VPS13D: variants seen among roughly 807,000 people sequenced by gnomAD.
VPS13D encodes intermembrane lipid transfer protein VPS13D.
A neutral mutation model predicts 461.9 loss-of-function variants in VPS13D; 187 were observed. The observed-to-expected ratio is 0.40, with a 90% CI of 0.36 to 0.46. The LOEUF is 0.46. Ranked by LOEUF, VPS13D falls within the 20% of genes least tolerant of loss-of-function variation. VPS13D has a pLI of 0.60. For synonymous variants in VPS13D, 1,951 were observed against 1,986.3 expected, an observed-to-expected ratio of 0.98 and a Z score of 0.47; for missense variants, 4,711 against 5,364.9, an observed-to-expected ratio of 0.88 and a Z score of 3.81.
rs529843538 is a variant in VPS13D at position 12,495,485 on chromosome 1, C to T, written c.12663-2015C>T. On this transcript the variant is annotated intron_variant, in intron 67 of 69. Coordinates refer to ENST00000620676, the MANE Select transcript of VPS13D (RefSeq NM_015378.4). The surrounding 1 kb of genome is among the most constrained non-coding windows in gnomAD (Gnocchi z 4.0). ...TGTAACATCTTTTGAAAGGGCCATT[C>T]TCATTGCCATGAGGAGAGTGGACAA... Among the ~76,000 whole-genome samples, 125 of 152,240 alleles carry T rather than the reference C, an allele frequency of 8.2e-4. No homozygotes were observed. Among genetic ancestry groups the T allele is most frequent in the African/African-American group, 2.9e-3 (120 of 41,554 alleles).
Position 12,260,762 on chromosome 1 carries a change from G to A in VPS13D, c.1180G>A (p.Asp394Asn), listed in dbSNP as rs1390418847. The part of the protein sequence containing the change: ...ELKILRELVH[D>N]RFHKQEELAE... ...GAAGATTTTGCGTGAACTGGTTCAT[G>A]ATCGATTTCACAAACAGGAAGAACT... Residue 394 changes from aspartate to asparagine, a missense_variant, in exon 11 of 70, where the codon GAT (aspartate) becomes AAT (asparagine). Physicochemically the swap from Asp to Asn is conservative, Grantham distance 23. Coordinates refer to ENST00000620676, the MANE Select transcript of VPS13D (RefSeq NM_015378.4). 8 of 1,614,066 alleles carry A rather than the reference G, an allele frequency of 5.0e-6. No individual in the cohort carries two copies. The highest frequency in any genetic ancestry group is 6.8e-6 in the Non-Finnish European group (8 of 1,180,052).
intron 40 of VPS13D, among the ~76,000 whole-genome samples, chr1:12,340,717 C>T (rs1643549603): frequency 6.6e-6 from 1 of 152,342 alleles, no homozygotes; most frequent in South Asian, 2.1e-4. Flanking sequence ...TGGTCTTTCT[C>T]ACGCTGTCTT....
intron 21 of VPS13D, 35 bp downstream of exon 21, chr1:12,283,771 A>G: frequency 6.4e-7 from 1 of 1,560,050 alleles, no homozygotes; most frequent in East Asian, 2.3e-5. Flanking sequence ...CTTAAGCTCT[A>G]AAAATGGATT....
At chr1:12,479,702 C>T (rs1645687869) in intron 67 of VPS13D, among the ~76,000 whole-genome samples, 1 of 152,136 alleles carries the variant, frequency 6.6e-6, no homozygotes, top group African/African-American at 2.4e-5. Flanking sequence ...CTCTCGGTCC[C>T]TCACATCGAA....
chr1:12,466,598 C>G (rs977274027), intron 67 of VPS13D, among the ~76,000 whole-genome samples: 1 of 152,194 alleles, frequency 6.6e-6, no homozygotes, highest in African/African-American at 2.4e-5. Flanking sequence ...CTGCCTCATA[C>G]TTATCTAGGA....
intron 67 of VPS13D, among the ~76,000 whole-genome samples, chr1:12,464,201 A>C (rs1317931623): frequency 1.3e-5 from 2 of 152,192 alleles, no homozygotes; most frequent in African/African-American, 2.4e-5. Flanking sequence ...GGTGTTACTC[A>C]GGGTTTTTCC....
intron 44 of VPS13D, 29 bp downstream of exon 44, chr1:12,346,681 G>A (rs760644444): frequency 3.1e-6 from 5 of 1,601,936 alleles, no homozygotes; most frequent in Admixed American, 1.7e-5. Flanking sequence ...TTGTCATTGT[G>A]TTTATTGCGT....
intron 13 of VPS13D, among the ~76,000 whole-genome samples, chr1:12,263,926 T>C (rs1277845287): frequency 1.3e-5 from 2 of 152,226 alleles, no homozygotes; most frequent in Non-Finnish European, 2.9e-5. Context: ...CACCACATTT[T>C]TTACAAATTG....
intron 64 of VPS13D, among the ~76,000 whole-genome samples, chr1:12,415,911 G>T (rs1023249868): frequency 3.3e-5 from 5 of 152,216 alleles, no homozygotes; most frequent in African/African-American, 1.2e-4. Flanking sequence ...AGTCATGGTG[G>T]CTCACACCTG....
intron 58 of VPS13D, among the ~76,000 whole-genome samples, chr1:12,384,404 G>A (rs1187096913): frequency 1.3e-5 from 2 of 152,182 alleles, no homozygotes; most frequent in African/African-American, 4.8e-5. Flanking sequence ...GAGGAGTTAG[G>A]TTTTGGACTT....
At chr1:12,414,919 A>G (rs1644775053) in intron 63 of VPS13D, among the ~76,000 whole-genome samples, 168 bp from the exon 64 acceptor site, 1 of 152,206 alleles carries the variant, frequency 6.6e-6, no homozygotes, top group Admixed American at 6.5e-5. Context: ...ATTTTTCCCT[A>G]GTATTTTACT....
intron 67 of VPS13D, among the ~76,000 whole-genome samples, chr1:12,486,569 G>A (rs942117638): frequency 8.5e-5 from 13 of 152,130 alleles, no homozygotes; most frequent in Admixed American, 1.3e-4. Flanking sequence ...CACGTTCCCC[G>A]GAGGCCACCA....
At chr1:12,431,554 T>C (rs1226817027) in intron 65 of VPS13D, among the ~76,000 whole-genome samples, 6 of 151,500 alleles carry the variant, frequency 4.0e-5, no homozygotes, top group African/African-American at 1.5e-4. Flanking sequence ...GCCTACTGTA[T>C]ATCTTCTCAG....
chr1:12,340,951 G>A (rs2101574594), intron 40 of VPS13D, among the ~76,000 whole-genome samples: 1 of 152,306 alleles, frequency 6.6e-6, no homozygotes, highest in East Asian at 1.9e-4. Context: ...ACATAGCATG[G>A]GCAGTGGTAC....
intron 65 of VPS13D, among the ~76,000 whole-genome samples, chr1:12,434,389 C>T (rs940448773): frequency 3.9e-5 from 6 of 152,030 alleles, no homozygotes; most frequent in South Asian, 2.1e-4. Context: ...CAGTGCACAG[C>T]GTGTGCTCTT....
intron 20 of VPS13D, among the ~76,000 whole-genome samples, chr1:12,280,676 A>G (rs1641751250): frequency 6.6e-6 from 1 of 151,730 alleles, no homozygotes; most frequent in South Asian, 2.1e-4. Flanking sequence ...TTTAGTAGAG[A>G]CGGGGTTTCA....
At chr1:12,462,945 A>G (rs1231416947) in intron 67 of VPS13D, among the ~76,000 whole-genome samples, 1 of 152,158 alleles carries the variant, frequency 6.6e-6, no homozygotes, top group Non-Finnish European at 1.5e-5. Flanking sequence ...TTACATTTCC[A>G]TGTAGATGAG....
At chr1:12,245,074 C>T (rs1029511016) in intron 5 of VPS13D, among the ~76,000 whole-genome samples, 4 of 152,146 alleles carry the variant, frequency 2.6e-5, no homozygotes, top group East Asian at 1.9e-4. Context: ...TGTGAAATTG[C>T]GAACAGCTCA....
intron 5 of VPS13D, among the ~76,000 whole-genome samples, chr1:12,247,462 AAC>A (rs1397440228): frequency 6.6e-6 from 1 of 151,932 alleles, no homozygotes; most frequent in Non-Finnish European, 1.5e-5. Context: ...CATTCTCTCT[AAC>A]ACCATTCAGG....
Sources: gnomAD v4.1 joint callset for allele counts (sites outside exome capture counted in the v4.1 genomes callset) on GRCh38, gnomAD v4.1.1 for gene constraint, Gnocchi (gnomAD v3.1) non-coding constraint, MANE v1.5 for transcripts, NCBI Gene and HGNC (gene_info 2026-07-23, HGNC 2026-07-21) for gene names.